The following PROM1 variants were observed in gnomAD, a reference collection of about 807,000 sequenced individuals.
PROM1 encodes the protein prominin 1.
A neutral mutation model predicts 116.9 loss-of-function variants in PROM1; 105 were observed. The ratio of observed to expected loss-of-function variants is 0.90; its 90% CI spans 0.77 to 1.06. The LOEUF (loss-of-function observed/expected upper bound fraction) is 1.06, where lower values mean the gene tolerates loss of function less well. PROM1 is among the 50% of genes least tolerant of loss of function. PROM1 has a pLI of 0.00. For missense variants in PROM1, 1,122 were observed against 1,045.2 expected (o/e 1.07, Z -1.01); for synonymous variants, 393 against 387.0 (o/e 1.02, Z -0.18).
intron 2 of PROM1, among the ~76,000 whole-genome samples, chr4:16,061,788 G>C (rs1368828595): frequency 6.6e-6 from 1 of 152,072 alleles, no homozygotes; most frequent in Non-Finnish European, 1.5e-5. Context: ...TCTAAAGAAG[G>C]ATCTGTTAGA....
chr4:16,080,685 A>T (rs4698448), intron 1 of PROM1: 112,329 of 152,082 alleles, frequency 0.74, 41,930 homozygotes, highest in Non-Finnish European at 0.8. Context: ...GATACCCAAC[A>T]TCTGAGACCA....
chr4:15,984,198 T>A, intron 23 of PROM1, 65 bp downstream of exon 23: 1 of 1,281,756 alleles, frequency 7.8e-7, no homozygotes. Context: ...ATGTATATCA[T>A]AATCCAGAAA....
At chr4:16,048,411 C>T (rs1337126598) in intron 2 of PROM1, among the ~76,000 whole-genome samples, 2 of 152,206 alleles carry the variant, frequency 1.3e-5, no homozygotes, top group Admixed American at 6.5e-5. Flanking sequence ...TCGTTAAACC[C>T]TTCAAATCCT....
At chr4:16,033,001 T>A (rs751731469) in intron 5 of PROM1, among the ~76,000 whole-genome samples, 43 of 152,308 alleles carry the variant, frequency 2.8e-4, no homozygotes, top group Admixed American at 4.6e-4. Context: ...TCTGCTGTGC[T>A]GGGAGGTAAG....
At chr4:16,077,066 C>G (rs1404681815) in intron 1 of PROM1, among the ~76,000 whole-genome samples, 4 of 152,130 alleles carry the variant, frequency 2.6e-5, no homozygotes, top group Non-Finnish European at 5.9e-5. Flanking sequence ...CCTGACTGTC[C>G]CCCAGCCCGA....
At chr4:16,009,956 A>C (rs1038231757) in intron 11 of PROM1, among the ~76,000 whole-genome samples, 1 of 143,924 alleles carries the variant, frequency 6.9e-6, no homozygotes, top group Non-Finnish European at 1.5e-5. Flanking sequence ...AAAAAAAAAA[A>C]AGTCTTCAGG....
At chr4:16,041,775 TAA>T (rs1491556336) in intron 2 of PROM1, among the ~76,000 whole-genome samples, 4,446 of 48,414 alleles carry the variant, frequency 0.092, 87 homozygotes, top group Non-Finnish European at 0.11. Context: ...AATAAATAAA[TAA>T]ATAAATAAAT....
intron 5 of PROM1, among the ~76,000 whole-genome samples, chr4:16,026,505 A>G (rs550429828): frequency 3.3e-5 from 5 of 152,348 alleles, no homozygotes; most frequent in African/African-American, 1.2e-4. Flanking sequence ...AAACTTTAAA[A>G]ACATATCAGA....
At chr4:16,003,887 G>T (rs1359637098) in intron 13 of PROM1, among the ~76,000 whole-genome samples, 2 of 152,166 alleles carry the variant, frequency 1.3e-5, no homozygotes, top group Non-Finnish European at 2.9e-5. Flanking sequence ...TCTTTCACTG[G>T]TATCCTTTTG....
chr4:16,078,479 A>G (rs1744403034), intron 1 of PROM1, among the ~76,000 whole-genome samples: 1 of 152,238 alleles, frequency 6.6e-6, no homozygotes, highest in African/African-American at 2.4e-5. Context: ...GCTGGCGTAG[A>G]AGCCAAAATA....
chr4:15,977,099 C>A lies in PROM1; in HGVS notation c.2582+2296G>T, dbSNP rs139815242. Among the ~76,000 whole-genome samples, 33 of 152,150 alleles carry A rather than the reference C, an allele frequency of 2.2e-4. No individual in the cohort carries two copies. The East Asian group carries it at 6.4e-3, about 29-fold the overall frequency. On this transcript the variant is annotated intron_variant, in intron 26 of 27. Transcript: ENST00000447510. ...AACCTTGACTTCTCCCCCTTTTTTTCACAACCATGGCTCCTCATAAACATC... is the reference window on the plus strand; with the variant it reads ...AACCTTGACTTCTCCCCCTTTTTTTAACAACCATGGCTCCTCATAAACATC...
In PROM1 at chr4:15,980,440, G is replaced by A. The variant is rs575302651; in HGVS notation, c.2471C>T (p.Ser824Leu). 2.3e-5 allele frequency: 36 copies of A among 1,549,802 alleles called. No homozygotes were observed. Among genetic ancestry groups the A allele is most frequent in the African/African-American group, 2.1e-4 (15 of 73,016 alleles). Residue 824 changes from serine to leucine, a missense_variant, in exon 24 of 28, where the codon TCG becomes TTG. Transcript: ENST00000447510. Reference protein sequence around the residue: ...KLAKYYRRMDSEDVYDDVETI... With the variant: ...KLAKYYRRMDLEDVYDDVETI... ...TACTTACTCATCGTACACGTCCTCCGAATCCATTCGACGATAGTACTTAGC... is the reference window on the plus strand; with the variant it reads ...TACTTACTCATCGTACACGTCCTCCAAATCCATTCGACGATAGTACTTAGC...
At chr4:16,011,074 C>A (rs1726772841) in intron 11 of PROM1, among the ~76,000 whole-genome samples, 1 of 152,152 alleles carries the variant, frequency 6.6e-6, no homozygotes, top group South Asian at 2.1e-4. Flanking sequence ...GCTCCTAGGG[C>A]CCCTGCCTGC....
At chr4:15,969,863 T>C (rs1713973237) in intron 27 of PROM1, among the ~76,000 whole-genome samples, 1 of 152,016 alleles carries the variant, frequency 6.6e-6, no homozygotes, top group Non-Finnish European at 1.5e-5. Flanking sequence ...AGGCATGAGC[T>C]ACCATGCCCA....
At chr4:15,987,559 T>C (rs1719758510) in intron 20 of PROM1, 104 bp downstream of exon 20, 3 of 1,231,198 alleles carry the variant, frequency 2.4e-6, no homozygotes, top group African/African-American at 3.1e-5. Context: ...TAACTGAGGC[T>C]TTTTTTTTCA....
At chr4:16,013,875 A>G (rs1389682588) in intron 10 of PROM1, among the ~76,000 whole-genome samples, 1 of 152,218 alleles carries the variant, frequency 6.6e-6, no homozygotes, top group African/African-American at 2.4e-5. Flanking sequence ...CCATGGGCAG[A>G]CAGAAAGTGA....
At chr4:16,054,379 G>A (rs2149482867) in intron 2 of PROM1, among the ~76,000 whole-genome samples, 1 of 152,266 alleles carries the variant, frequency 6.6e-6, no homozygotes, top group South Asian at 2.1e-4. Context: ...TTTGGAGTCA[G>A]AGTGACCAAA....
At chr4:16,059,303 C>T (rs1739751911) in intron 2 of PROM1, among the ~76,000 whole-genome samples, 1 of 152,142 alleles carries the variant, frequency 6.6e-6, no homozygotes, top group South Asian at 2.1e-4. Flanking sequence ...TAGAAATGTC[C>T]ACCCCACAAG....
intron 23 of PROM1, 25 bp from the exon 24 acceptor site, chr4:15,980,562 T>C: frequency 2.1e-6 from 3 of 1,400,040 alleles, no homozygotes; most frequent in Non-Finnish European, 2.9e-6. Context: ...TCAGAAGAAT[T>C]AAATGTTTGA....
Sources: gnomAD v4.1 joint callset for allele counts (sites outside exome capture counted in the v4.1 genomes callset) on GRCh38, gnomAD v4.1.1 for gene constraint, MANE v1.5 for transcripts, NCBI Gene and HGNC (gene_info 2026-07-23, HGNC 2026-07-21) for gene names.